SMAP1: variants seen among roughly 807,000 people sequenced by gnomAD.
SMAP1 encodes stromal membrane-associated protein 1.
A neutral mutation model predicts 58.5 loss-of-function variants in SMAP1; 24 were observed. That is an observed-to-expected ratio of 0.41 (90% CI 0.30 to 0.58). The LOEUF (loss-of-function observed/expected upper bound fraction) is 0.58. Among genes scored for constraint, SMAP1 ranks in the 20% least tolerant of loss-of-function variants. The probability of loss-of-function intolerance (pLI) is 0.29; values close to 1 mark genes in which losing one functional copy is unlikely to be tolerated. For synonymous variants in SMAP1, 216 were observed against 196.6 expected, an observed-to-expected ratio of 1.10 and a Z score of -0.82; for missense variants, 563 against 566.3, an observed-to-expected ratio of 0.99 and a Z score of 0.06.
At chr6:70,828,074 A>G (rs1028475665) in intron 6 of SMAP1, among the ~76,000 whole-genome samples, 1 of 152,190 alleles carries the variant, frequency 6.6e-6, no homozygotes, top group African/African-American at 2.4e-5. Context: ...AAGGTTGTAT[A>G]TAATTCAGTT....
chr6:70,791,794 C>T, intron 5 of SMAP1, 25 bp downstream of exon 5: 2 of 1,583,438 alleles, frequency 1.3e-6, no homozygotes, highest in Non-Finnish European at 1.7e-6. Context: ...TAACCAGCTA[C>T]ATTATGTAGT....
At chr6:70,729,214 C>T (rs1259601637) in intron 1 of SMAP1, among the ~76,000 whole-genome samples, 5 of 151,906 alleles carry the variant, frequency 3.3e-5, no homozygotes, top group African/African-American at 7.3e-5. Context: ...CCGAGGCGGG[C>T]GGATCACGAG....
chr6:70,774,389 C>T (rs1439328245), intron 4 of SMAP1, among the ~76,000 whole-genome samples: 1 of 151,874 alleles, frequency 6.6e-6, no homozygotes, highest in Non-Finnish European at 1.5e-5. Flanking sequence ...AGCTATAAAC[C>T]AGTTAATCTT....
intron 1 of SMAP1, among the ~76,000 whole-genome samples, chr6:70,711,087 TA>T (rs1311912165): frequency 6.6e-6 from 1 of 152,154 alleles, no homozygotes; most frequent in African/African-American, 2.4e-5. Flanking sequence ...ATTTTACAGT[TA>T]ACTTTTTTTA....
Position 70,834,246 on chromosome 6 carries a change from A to C in SMAP1, c.577-2695A>C, listed in dbSNP as rs1376918644. ...AGAGTTTCTATTTGAATTTTTAAAAAAGATCCTTTTTAGCCTGAAGAGGTT... is the reference window on the plus strand; with the variant it reads ...AGAGTTTCTATTTGAATTTTTAAAACAGATCCTTTTTAGCCTGAAGAGGTT... On this transcript the variant is annotated intron_variant, in intron 6 of 10. Coordinates refer to ENST00000370455, the MANE Select transcript of SMAP1 (RefSeq NM_001044305.3). 2.0e-5 allele frequency among the ~76,000 whole-genome samples: 3 copies of C among 152,308 alleles called. No individual in the cohort carries two copies. The East Asian group carries it at 5.8e-4, about 29-fold the overall frequency.
intron 1 of SMAP1, among the ~76,000 whole-genome samples, chr6:70,709,232 C>T (rs1171465249): frequency 6.6e-6 from 1 of 152,120 alleles, no homozygotes; most frequent in East Asian, 1.9e-4. Flanking sequence ...ACCATATATG[C>T]TTGGATTTAT....
intron 2 of SMAP1, among the ~76,000 whole-genome samples, chr6:70,748,970 C>T (rs1162430141): frequency 6.6e-6 from 1 of 152,026 alleles, no homozygotes; most frequent in African/African-American, 2.4e-5. Context: ...TCTTCTTTCT[C>T]TCAATCAGTT....
chr6:70,779,554 T>C (rs956808817), intron 4 of SMAP1, among the ~76,000 whole-genome samples: 2 of 152,130 alleles, frequency 1.3e-5, no homozygotes, highest in Non-Finnish European at 2.9e-5. Context: ...TGTGGACTGT[T>C]AAGGATTTTT....
chr6:70,799,923 C>G (rs923253670), intron 6 of SMAP1, among the ~76,000 whole-genome samples: 7 of 152,090 alleles, frequency 4.6e-5, no homozygotes, highest in Non-Finnish European at 7.4e-5. Flanking sequence ...ATAGTGTTGT[C>G]AGGGATTTTA....
At position 70,860,223 on chromosome 6, in the gene SMAP1, G is replaced by GAGTATCAGT. The variant is rs1771653143; in HGVS notation, c.1297_1305dup (p.Ile433_Ser435dup). The GAGTATCAGT allele has an allele frequency of 1.9e-6, 3 of 1,611,474 alleles. No individual in the cohort carries two copies. The highest frequency in any genetic ancestry group is 2.5e-6 in the Non-Finnish European group (3 of 1,179,210). On this transcript the variant is annotated inframe_insertion, in exon 11 of 11. Transcript: ENST00000370455. ...AGATGAATCAGCAGATGGCTGGCAT[G>GAGTATCAGT]AGTATCAGTAGTGCAACCCCTACTG...
chr6:70,690,064 A>G (rs747722496), intron 1 of SMAP1, among the ~76,000 whole-genome samples: 5 of 151,898 alleles, frequency 3.3e-5, no homozygotes, highest in Admixed American at 6.6e-5. Flanking sequence ...ATTTTATTGC[A>G]CTGACTAGAA....
intron 2 of SMAP1, among the ~76,000 whole-genome samples, chr6:70,744,427 G>C (rs923643876): frequency 3.9e-5 from 6 of 151,942 alleles, no homozygotes; most frequent in African/African-American, 1.5e-4. Flanking sequence ...TATGGTGTTT[G>C]GTTTTGTATC....
chr6:70,795,440 T>A (rs1768563595), intron 5 of SMAP1, among the ~76,000 whole-genome samples: 1 of 152,216 alleles, frequency 6.6e-6, no homozygotes, highest in African/African-American at 2.4e-5. Context: ...CAGCAGATTC[T>A]GTGTCTTCTG....
chr6:70,794,547 T>TGCCCACCAC, intron 5 of SMAP1, among the ~76,000 whole-genome samples: 2 of 152,076 alleles, frequency 1.3e-5, no homozygotes, highest in Non-Finnish European at 2.9e-5. Flanking sequence ...TTACATTAGG[T>TGCCCACCAC]ATATCTCCCA....
At position 70,825,242 on chromosome 6, in the gene SMAP1, T is replaced by C. The variant is rs116494235; in HGVS notation, c.577-11699T>C. Among the ~76,000 whole-genome samples the C allele has an allele frequency of 2.4e-3, 371 of 152,248 alleles. 2 individuals carry two copies. The highest frequency in any genetic ancestry group is 8.3e-3 in the African/African-American group (346 of 41,554). On this transcript the variant is annotated intron_variant, in intron 6 of 10. Transcript: ENST00000370455. ...CCATAGGAAAATATTAAAGGTAGCA[T>C]TGGGGCTCTGTGAGACTGCATAGGT...
At chr6:70,817,136 A>G (rs947986391) in intron 6 of SMAP1, among the ~76,000 whole-genome samples, 1 of 143,412 alleles carries the variant, frequency 7.0e-6, no homozygotes, top group African/African-American at 2.7e-5. Context: ...ATATATATAT[A>G]TATTTTTTTT....
At chr6:70,735,837 T>C (rs1194087159) in intron 2 of SMAP1, among the ~76,000 whole-genome samples, 1 of 152,224 alleles carries the variant, frequency 6.6e-6, no homozygotes, top group African/African-American at 2.4e-5. Context: ...CATAGTTACA[T>C]AGTTATACCC....
chr6:70,686,538 T>C (rs1766941302), intron 1 of SMAP1, among the ~76,000 whole-genome samples: 1 of 152,206 alleles, frequency 6.6e-6, no homozygotes, highest in Non-Finnish European at 1.5e-5. Flanking sequence ...TGACAAAAAT[T>C]GGTTTCTGGG....
chr6:70,829,008 T>C (rs967345764), intron 6 of SMAP1, among the ~76,000 whole-genome samples: 1 of 152,228 alleles, frequency 6.6e-6, no homozygotes. Context: ...ATCTTGCCAC[T>C]GCACTCTAGC....
Sources: gnomAD v4.1 joint callset for allele counts (sites outside exome capture counted in the v4.1 genomes callset) on GRCh38, gnomAD v4.1.1 for gene constraint, MANE v1.5 for transcripts, NCBI Gene and HGNC (gene_info 2026-07-23, HGNC 2026-07-21) for gene names.